COLEC10: variants seen among roughly 807,000 people sequenced by gnomAD.
COLEC10 encodes collectin subfamily member 10.
In COLEC10, 22 loss-of-function variants were observed where a neutral mutation model predicts 28.4. The observed-to-expected ratio is 0.78, with a 90% CI of 0.55 to 1.11. COLEC10 has a LOEUF of 1.11. Ranked by LOEUF, COLEC10 falls within the 50% of genes least tolerant of loss-of-function variation. The pLI, the probability that COLEC10 is intolerant of heterozygous loss-of-function variation, is 0.00. For missense variants in COLEC10, 361 were observed against 344.1 expected, an observed-to-expected ratio of 1.05 and a Z score of -0.39; for synonymous variants, 125 against 116.1, an observed-to-expected ratio of 1.08 and a Z score of -0.49.
At chr8:119,019,017 T>C (rs190236012) in intron 2 of COLEC10, among the ~76,000 whole-genome samples, 1 of 152,300 alleles carries the variant, frequency 6.6e-6, no homozygotes, top group East Asian at 1.9e-4. Flanking sequence ...TATAAAATTC[T>C]AAGAAAAGAT....
At chr8:119,022,951 C>T (rs1814124653) in intron 2 of COLEC10, among the ~76,000 whole-genome samples, 2 of 152,082 alleles carry the variant, frequency 1.3e-5, no homozygotes, top group Admixed American at 6.6e-5. Flanking sequence ...CCTTGATCTT[C>T]CTCTTACTCA....
intron 5 of COLEC10, among the ~76,000 whole-genome samples, chr8:119,105,083 A>G (rs1353766734): frequency 6.6e-6 from 1 of 152,200 alleles, no homozygotes; most frequent in Non-Finnish European, 1.5e-5. Flanking sequence ...CAGCCCAGGA[A>G]TTTGGTCCAA....
At chr8:119,010,832 C>G (rs1174402188) in intron 2 of COLEC10, among the ~76,000 whole-genome samples, 1 of 151,060 alleles carries the variant, frequency 6.6e-6, no homozygotes, top group Non-Finnish European at 1.5e-5. Flanking sequence ...CTGTGGCCCA[C>G]TTTTTAATTG....
intron 2 of COLEC10, among the ~76,000 whole-genome samples, chr8:119,034,052 C>G (rs1053354287): frequency 6.6e-6 from 1 of 152,198 alleles, no homozygotes; most frequent in Non-Finnish European, 1.5e-5. Flanking sequence ...CAATGGTATA[C>G]TATCCAGACA....
the COLEC10 span, among the ~76,000 whole-genome samples, chr8:118,972,167 A>G: frequency 6.6e-6 from 1 of 152,038 alleles, no homozygotes. Context: ...TGAGTAAAAA[A>G]AGTTATGTTG....
At chr8:119,105,173 C>T (rs969330976) in intron 5 of COLEC10, among the ~76,000 whole-genome samples, 1 of 152,070 alleles carries the variant, frequency 6.6e-6, no homozygotes, top group African/African-American at 2.4e-5. Context: ...GCACTGAAGC[C>T]AAAGAGTGTC....
rs114597026 is a variant in COLEC10, at chr8:119,103,769, A to G, written c.347-31A>G. The G allele has an allele frequency of 1.9e-3, 2,549 of 1,364,658 alleles. 36 individuals carry two copies. In the African/African-American group the frequency reaches 0.033, roughly 17 times the overall value. The allele number at this position is 1,364,658 out of a possible 1,614,324, so 84.5% of individuals were successfully genotyped here. A position where few individuals can be genotyped will look rare whatever the true frequency, so the allele number is the denominator to read the frequency against. On this transcript the variant is annotated intron_variant, in intron 4 of 5. Transcript: ENST00000332843. ...TTTCCACTGGTCTGCAGGTACTTCAACATGAATTCACAGTTTTTGTCATTT... is the reference window on the plus strand; with the variant it reads ...TTTCCACTGGTCTGCAGGTACTTCAGCATGAATTCACAGTTTTTGTCATTT...
At chr8:119,039,703 A>G (rs1425103232) in intron 2 of COLEC10, among the ~76,000 whole-genome samples, 1 of 152,130 alleles carries the variant, frequency 6.6e-6, no homozygotes, top group Non-Finnish European at 1.5e-5. Context: ...GTTCTGGGGG[A>G]CATTCCATTT....
At chr8:119,021,262 A>T (rs1270233293) in intron 2 of COLEC10, among the ~76,000 whole-genome samples, 6 of 152,208 alleles carry the variant, frequency 3.9e-5, no homozygotes, top group East Asian at 1.9e-4. Context: ...GCATGTGAAA[A>T]GGCATGTATC....
intron 2 of COLEC10, among the ~76,000 whole-genome samples, chr8:119,034,450 C>T (rs529774947): frequency 4.0e-5 from 6 of 149,770 alleles, no homozygotes; most frequent in South Asian, 4.2e-4. Flanking sequence ...CGGTGGCTCA[C>T]GCCTGTAATC....
At chr8:119,084,235 A>G (rs1352541237) in intron 1 of COLEC10, among the ~76,000 whole-genome samples, 2 of 152,174 alleles carry the variant, frequency 1.3e-5, no homozygotes, top group African/African-American at 4.8e-5. Context: ...GGGAGCACTG[A>G]GAGTTTAAAT....
chr8:119,015,348 G>T (rs1813972415), intron 2 of COLEC10, among the ~76,000 whole-genome samples: 1 of 150,886 alleles, frequency 6.6e-6, no homozygotes, highest in Admixed American at 6.6e-5. Flanking sequence ...TGGCTGGTGT[G>T]GGCTGGAGTT....
the COLEC10 span, among the ~76,000 whole-genome samples, chr8:118,969,521 C>A: frequency 2.0e-5 from 3 of 151,908 alleles, no homozygotes; most frequent in African/African-American, 7.3e-5. Context: ...CTATACTACG[C>A]CTTTTTCTGA....
intron 1 of COLEC10, among the ~76,000 whole-genome samples, chr8:119,006,110 T>C (rs1813790531): frequency 6.6e-6 from 1 of 152,084 alleles, no homozygotes; most frequent in South Asian, 2.1e-4. Context: ...ACCCTCTGTC[T>C]CTGACTCAGA....
chr8:119,034,665 C>A (rs564920169), intron 2 of COLEC10, among the ~76,000 whole-genome samples: 1 of 152,074 alleles, frequency 6.6e-6, no homozygotes, highest in Non-Finnish European at 1.5e-5. Flanking sequence ...GCCAAGACCG[C>A]GCCACTGCAC....
At chr8:119,073,936 A>C (rs906133317) in intron 1 of COLEC10, among the ~76,000 whole-genome samples, 1 of 113,858 alleles carries the variant, frequency 8.8e-6, no homozygotes, top group African/African-American at 4.2e-5. Context: ...TATATATAAA[A>C]CGTACATATA....
the COLEC10 span, among the ~76,000 whole-genome samples, chr8:118,987,519 G>A: frequency 6.6e-6 from 1 of 152,110 alleles, no homozygotes; most frequent in African/African-American, 2.4e-5. Context: ...AGCCGAGATC[G>A]CACCACTGCA....
upstream of COLEC10, among the ~76,000 whole-genome samples, chr8:118,994,984 C>T (rs1813565472): frequency 6.6e-6 from 1 of 151,710 alleles, no homozygotes; most frequent in African/African-American, 2.4e-5. Context: ...TCAATGTGGG[C>T]AAAAGGGGAA....
intron 1 of COLEC10, among the ~76,000 whole-genome samples, chr8:118,996,385 G>A (rs940279229): frequency 2.0e-5 from 3 of 152,256 alleles, no homozygotes; most frequent in Middle Eastern, 3.4e-3. Context: ...CTAGAACTAG[G>A]ATCATTGGAT....
Sources: gnomAD v4.1 joint callset for allele counts (sites outside exome capture counted in the v4.1 genomes callset) on GRCh38, gnomAD v4.1.1 for gene constraint, MANE v1.5 for transcripts, NCBI Gene and HGNC (gene_info 2026-07-23, HGNC 2026-07-21) for gene names.